GABRA1: variants seen among roughly 807,000 people sequenced by gnomAD.
GABRA1 encodes gamma-aminobutyric acid receptor subunit alpha-1.
In GABRA1, 9 loss-of-function variants were observed where a neutral mutation model predicts 48.9. That is an observed-to-expected ratio of 0.18 (90% confidence interval 0.11 to 0.32). The LOEUF (loss-of-function observed/expected upper bound fraction) is 0.32, where lower values mean the gene tolerates loss of function less well. Ranked by LOEUF, GABRA1 falls within the 10% of genes least tolerant of loss-of-function variation. The probability of loss-of-function intolerance (pLI) is 1.00; values close to 1 mark genes in which losing one functional copy is unlikely to be tolerated. For synonymous variants in GABRA1, 210 were observed against 198.7 expected (o/e 1.06, Z -0.48); for missense variants, 285 against 553.8 (o/e 0.51, Z 4.87).
chr5:161,849,379 A>T (rs1327966172), intron 1 of GABRA1, among the ~76,000 whole-genome samples: 6 of 152,164 alleles, frequency 3.9e-5, no homozygotes, highest in African/African-American at 1.2e-4. Flanking sequence ...TGCAATTTAG[A>T]TGTAGCATTT....
At chr5:161,866,121 C>G (rs1239061426) in intron 4 of GABRA1, among the ~76,000 whole-genome samples, 1 of 151,926 alleles carries the variant, frequency 6.6e-6, no homozygotes, top group African/African-American at 2.4e-5. Flanking sequence ...CATGTTGATT[C>G]AAGGATGCTG....
At chr5:161,882,244 T>C (rs1754648720) in intron 6 of GABRA1, 2 of 389,814 alleles carry the variant, frequency 5.1e-6, no homozygotes, top group Non-Finnish European at 9.6e-6. Flanking sequence ...TATATGTTTT[T>C]GTCCCCACTG....
intron 3 of GABRA1, among the ~76,000 whole-genome samples, chr5:161,858,523 A>G (rs1757736360): frequency 6.6e-6 from 1 of 151,736 alleles, no homozygotes; most frequent in African/African-American, 2.4e-5. Context: ...CCAAAATCCC[A>G]GGTGAGCCAC....
intron 6 of GABRA1, among the ~76,000 whole-genome samples, chr5:161,879,873 A>G (rs926105576): frequency 6.6e-6 from 1 of 152,174 alleles, no homozygotes; most frequent in Non-Finnish European, 1.5e-5. Context: ...CTACAACTAT[A>G]TTAGCAGCTC....
chr5:161,861,379 T>C (rs1757853513), intron 3 of GABRA1, among the ~76,000 whole-genome samples: 1 of 151,890 alleles, frequency 6.6e-6, no homozygotes, highest in South Asian at 2.1e-4. Flanking sequence ...ATACATTTTT[T>C]TCTAAAGATT....
chr5:161,895,255 A>G (rs1205416178), intron 8 of GABRA1, among the ~76,000 whole-genome samples: 2 of 152,254 alleles, frequency 1.3e-5, no homozygotes, highest in Middle Eastern at 3.4e-3. Flanking sequence ...GGGTACATAG[A>G]ATATTAAACA....
intron 4 of GABRA1, among the ~76,000 whole-genome samples, chr5:161,872,000 G>A (rs967648170): frequency 1.1e-4 from 16 of 152,280 alleles, no homozygotes; most frequent in African/African-American, 3.4e-4. Context: ...GTTCGTACAC[G>A]AAACTCCTAA....
Position 161,882,850 on chromosome 5 carries a change from G to C in GABRA1, c.703+149G>C, listed in dbSNP as rs549537549. On this transcript the variant is annotated intron_variant, in intron 7 of 9. Coordinates refer to ENST00000393943, the MANE Select transcript of GABRA1 (RefSeq NM_001127644.2). Reference sequence around the variant, plus strand: ...TTGAGCTGGGAACTAATGTAAACTCGGTAGACCTGTGACCTTGGACATGTC... The same window carrying C: ...TTGAGCTGGGAACTAATGTAAACTCCGTAGACCTGTGACCTTGGACATGTC... 3.3e-5 allele frequency: 26 copies of C among 790,594 alleles called. No individual in the cohort carries two copies. The African/African-American group carries it at 4.3e-4, about 13-fold the overall frequency. The allele number at this position is 790,594 out of a possible 1,614,324, so 49.0% of individuals were successfully genotyped here. A position where few individuals can be genotyped will look rare whatever the true frequency, so the allele number is the denominator to read the frequency against.
chr5:161,861,373 AT>A (rs898443041), intron 3 of GABRA1, among the ~76,000 whole-genome samples: 1 of 151,726 alleles, frequency 6.6e-6, no homozygotes, highest in Non-Finnish European at 1.5e-5. Flanking sequence ...CAAAATATAC[AT>A]TTTTTTCTAA....
intron 4 of GABRA1, among the ~76,000 whole-genome samples, chr5:161,870,598 AAAGAAAGAAAGG>A (rs140152206): frequency 0.068 from 10,247 of 151,042 alleles, 380 homozygotes; most frequent in South Asian, 0.11. Context: ...AGAAAAAAAG[AAAGAAAGAAAGG>A]AAGAAAGAAA....
intron 6 of GABRA1, 44 bp from the exon 7 acceptor site, chr5:161,882,514 G>T (rs777156276): frequency 1.9e-6 from 3 of 1,569,692 alleles, no homozygotes; most frequent in Non-Finnish European, 2.6e-6. Context: ...TAAGAGAATT[G>T]AAGTGGTAAA....
chr5:161,874,662 G>A (rs1366349791), intron 5 of GABRA1, among the ~76,000 whole-genome samples: 2 of 152,074 alleles, frequency 1.3e-5, no homozygotes, highest in African/African-American at 2.4e-5. Flanking sequence ...ATTTAAGAAT[G>A]CAATTTAATC....
At chr5:161,863,661 G>A (rs1757943884) in intron 3 of GABRA1, among the ~76,000 whole-genome samples, 1 of 151,936 alleles carries the variant, frequency 6.6e-6, no homozygotes, top group Non-Finnish European at 1.5e-5. Flanking sequence ...CAAACCATAT[G>A]AGTGGATTTA....
chr5:161,876,673 A>G (rs146038125), intron 6 of GABRA1, among the ~76,000 whole-genome samples: 183 of 152,270 alleles, frequency 1.2e-3, no homozygotes, highest in African/African-American at 4.2e-3. Flanking sequence ...CTCTAGGTTA[A>G]ACAGACATTT....
At chr5:161,882,504 T>C in intron 6 of GABRA1, 54 bp from the exon 7 acceptor site, 1 of 1,524,564 alleles carries the variant, frequency 6.6e-7, no homozygotes. Context: ...ACCAACTAAA[T>C]AAGAGAATTG....
chr5:161,897,617 G>A lies in GABRA1; in HGVS notation c.*195G>A, dbSNP rs926392281. ...AAGCAGACTATGCAGCTTGGAGACA[G>A]GATTCTGACAGAGCAAGCGAAAGAG... is the stretch of plus-strand genomic sequence containing the variant. On this transcript the variant is annotated 3_prime_UTR_variant, in exon 10 of 10. Transcript: ENST00000393943. The A allele has an allele frequency of 8.4e-6, 5 of 595,664 alleles. No homozygotes were observed. The African/African-American group carries it at 9.4e-5, about 11-fold the overall frequency. The allele number at this position is 595,664 out of a possible 1,614,324, so 36.9% of individuals were successfully genotyped here.
chr5:161,875,331 C>T (rs1266343464), intron 5 of GABRA1, among the ~76,000 whole-genome samples: 2 of 152,090 alleles, frequency 1.3e-5, no homozygotes, highest in African/African-American at 4.8e-5. Flanking sequence ...GCCCATTGTA[C>T]AATATCAGGG....
intron 2 of GABRA1, 67 bp from the exon 3 acceptor site, chr5:161,854,091 T>A (rs1232448617): frequency 1.2e-6 from 1 of 806,742 alleles, no homozygotes; most frequent in Admixed American, 2.1e-5. Context: ...AGAAAGGATT[T>A]ATTTGGAAAG....
At chr5:161,862,963 T>A (rs1413948313) in intron 3 of GABRA1, among the ~76,000 whole-genome samples, 16 of 151,972 alleles carry the variant, frequency 1.1e-4, no homozygotes, top group Non-Finnish European at 1.5e-5. Context: ...CTTAATCTAT[T>A]GTGCTTACTA....
Sources: gnomAD v4.1 joint callset for allele counts (sites outside exome capture counted in the v4.1 genomes callset) on GRCh38, gnomAD v4.1.1 for gene constraint, MANE v1.5 for transcripts, NCBI Gene and HGNC (gene_info 2026-07-23, HGNC 2026-07-21) for gene names.